Variants in SGCD observed in about 807,000 individuals in gnomAD.
The protein encoded by SGCD is sarcoglycan delta.
In SGCD, 18 loss-of-function variants were observed where a neutral mutation model predicts 36.6. That is an observed-to-expected ratio of 0.49 (90% CI 0.34 to 0.73). The LOEUF (loss-of-function observed/expected upper bound fraction) is 0.73, where lower values mean the gene tolerates loss of function less well. Among genes scored for constraint, SGCD ranks in the 30% least tolerant of loss-of-function variants. SGCD has a pLI of 0.01. For missense variants in SGCD, 387 were observed against 346.7 expected, an observed-to-expected ratio of 1.12 and a Z score of -0.92; for synonymous variants, 133 against 130.6, an observed-to-expected ratio of 1.02 and a Z score of -0.12.
chr5:156,481,921 C>T (rs961803750), intron 3 of SGCD, among the ~76,000 whole-genome samples: 5 of 152,156 alleles, frequency 3.3e-5, no homozygotes, highest in African/African-American at 7.2e-5. Context: ...TGATCAGACA[C>T]CACCTGCTTA....
intron 3 of SGCD, among the ~76,000 whole-genome samples, chr5:156,207,305 G>A (rs923957029): frequency 6.6e-6 from 1 of 152,102 alleles, no homozygotes; most frequent in Admixed American, 6.5e-5. Context: ...AAATGGCATG[G>A]AGAGTTCATG....
intron 7 of SGCD, among the ~76,000 whole-genome samples, chr5:156,712,402 A>G (rs1755032415): frequency 1.3e-5 from 2 of 152,174 alleles, no homozygotes; most frequent in African/African-American, 2.4e-5. Context: ...CAGTCACAAA[A>G]CACTGTCTTC....
chr5:156,435,451 G>A (rs1465050565), intron 3 of SGCD, among the ~76,000 whole-genome samples: 1 of 152,104 alleles, frequency 6.6e-6, no homozygotes, highest in Admixed American at 6.5e-5. Flanking sequence ...ACTTGTAATT[G>A]TGAAGAAAAT....
chr5:156,305,285 G>T (rs1221666036), intron 3 of SGCD, among the ~76,000 whole-genome samples: 2 of 152,206 alleles, frequency 1.3e-5, no homozygotes, highest in African/African-American at 4.8e-5. Flanking sequence ...TGTCTGTGCT[G>T]TGTGCAGCTT....
At chr5:155,823,421 A>G in the SGCD span, among the ~76,000 whole-genome samples, 3 of 152,254 alleles carry the variant, frequency 2.0e-5, no homozygotes, top group South Asian at 4.2e-4. Flanking sequence ...AGGAAAATCA[A>G]CTATACTGAC....
intron 3 of SGCD, among the ~76,000 whole-genome samples, chr5:156,230,140 G>C (rs988564246): frequency 5.9e-5 from 9 of 152,032 alleles, no homozygotes; most frequent in Non-Finnish European, 1.3e-4. Context: ...GTGCTTCCCT[G>C]TTTAGCTTAA....
chr5:156,223,456 A>G (rs1002786030), intron 3 of SGCD, among the ~76,000 whole-genome samples: 1 of 152,154 alleles, frequency 6.6e-6, no homozygotes, highest in Non-Finnish European at 1.5e-5. Flanking sequence ...ACAATGGAGA[A>G]TAGCGGAAGT....
At chr5:156,650,050 AG>A (rs1027290637) in intron 7 of SGCD, among the ~76,000 whole-genome samples, 10 of 152,216 alleles carry the variant, frequency 6.6e-5, no homozygotes, top group Admixed American at 6.5e-4. Context: ...TGAAACAAAA[AG>A]ACAACTCTCC....
At chr5:156,084,593 T>G (rs887388071) in intron 1 of SGCD, among the ~76,000 whole-genome samples, 2 of 150,258 alleles carry the variant, frequency 1.3e-5, no homozygotes, top group Admixed American at 6.6e-5. Flanking sequence ...GATTTTTTTT[T>G]GTGTGGATTC....
intron 4 of SGCD, among the ~76,000 whole-genome samples, chr5:156,521,603 T>G (rs1246933889): frequency 6.6e-6 from 1 of 152,152 alleles, no homozygotes; most frequent in Non-Finnish European, 1.5e-5. Context: ...AAAAGCTCAG[T>G]ATCACTGATC....
At chr5:155,800,897 C>A in the SGCD span, among the ~76,000 whole-genome samples, 1 of 152,116 alleles carries the variant, frequency 6.6e-6, no homozygotes, top group African/African-American at 2.4e-5. Context: ...TATGCTCGAC[C>A]TCCCAGGCCA....
At chr5:156,137,741 T>C (rs904846310) in intron 3 of SGCD, among the ~76,000 whole-genome samples, 3 of 152,138 alleles carry the variant, frequency 2.0e-5, no homozygotes, top group African/African-American at 7.2e-5. Context: ...GTCTCAAATA[T>C]GGGTGGGGCC....
At position 156,421,351 on chromosome 5, in the gene SGCD, G is replaced by A. The variant is rs1200030419; in HGVS notation, c.192+76674G>A. 4.6e-5 allele frequency among the ~76,000 whole-genome samples: 7 copies of A among 152,166 alleles called. No homozygotes were observed. In the East Asian group the frequency reaches 5.8e-4, roughly 13 times the overall value. ...TACATTCGAGTGACACTTTGACAGC[G>A]TGGATTTGCATCCTGAATCTGCAAA... On this transcript the variant is annotated intron_variant, in intron 3 of 8. Coordinates refer to ENST00000337851, the MANE Select transcript of SGCD (RefSeq NM_000337.6).
intron 4 of SGCD, among the ~76,000 whole-genome samples, chr5:156,561,646 T>G (rs1759271841): frequency 1.3e-5 from 2 of 152,314 alleles, no homozygotes; most frequent in Middle Eastern, 3.4e-3. Context: ...TGAATAGACT[T>G]AAGTGGTTTT....
chr5:155,973,856 C>T (rs1206234324), intron 1 of SGCD, among the ~76,000 whole-genome samples: 2 of 152,164 alleles, frequency 1.3e-5, no homozygotes, highest in Non-Finnish European at 2.9e-5. Context: ...ATTCCTGATG[C>T]TCATTTAACC....
chr5:155,735,230 A>G, the SGCD span, among the ~76,000 whole-genome samples: 3 of 152,210 alleles, frequency 2.0e-5, no homozygotes, highest in East Asian at 1.9e-4. Flanking sequence ...TAGGCATGTA[A>G]TGGTATCAGT....
intron 1 of SGCD, among the ~76,000 whole-genome samples, chr5:155,924,581 G>C (rs1756958768): frequency 6.6e-6 from 1 of 152,206 alleles, no homozygotes; most frequent in African/African-American, 2.4e-5. Context: ...CAAAGCAGAA[G>C]AGTGGAATGA....
At chr5:155,729,111 C>T in the SGCD span, among the ~76,000 whole-genome samples, 1 of 152,244 alleles carries the variant, frequency 6.6e-6, no homozygotes, top group Non-Finnish European at 1.5e-5. Context: ...AGGAATGCAA[C>T]ACTGTTTCCT....
intron 1 of SGCD, among the ~76,000 whole-genome samples, chr5:155,890,641 T>C (rs140922399): frequency 4.1e-4 from 51 of 124,314 alleles, no homozygotes; most frequent in East Asian, 2.9e-3. Context: ...AGACAGATGA[T>C]AGATAGATAG....
Sources: gnomAD v4.1 joint callset for allele counts (sites outside exome capture counted in the v4.1 genomes callset) on GRCh38, gnomAD v4.1.1 for gene constraint, MANE v1.5 for transcripts, NCBI Gene and HGNC (gene_info 2026-07-23, HGNC 2026-07-21) for gene names.